WDR76: variants seen among roughly 807,000 people sequenced by gnomAD.
WDR76 encodes the protein WD repeat domain 76, also known as WD repeat-containing protein 76.
In WDR76, 52 loss-of-function variants were observed where a neutral mutation model predicts 70.2. That is an observed-to-expected ratio of 0.74 (90% CI 0.59 to 0.93). WDR76 has a LOEUF of 0.93. Ranked by LOEUF, WDR76 falls within the 40% of genes least tolerant of loss-of-function variation. WDR76 has a pLI of 0.00. For missense variants in WDR76, 756 were observed against 760.2 expected, an observed-to-expected ratio of 0.99 and a Z score of 0.07; for synonymous variants, 292 against 271.1, an observed-to-expected ratio of 1.08 and a Z score of -0.76.
At chr15:43,846,294 T>C (rs7174241) in intron 8 of WDR76, among the ~76,000 whole-genome samples, 26,479 of 132,738 alleles carry the variant, frequency 0.2, 3,619 homozygotes, top group African/African-American at 0.31. Flanking sequence ...TTTTTTTTTT[T>C]CCCGCCCCTG....
At chr15:43,861,410 T>C (rs1285068570) in intron 12 of WDR76, 24 bp downstream of exon 12, 2 of 1,595,392 alleles carry the variant, frequency 1.3e-6, no homozygotes, top group Admixed American at 1.7e-5. Flanking sequence ...TGCCAAATAA[T>C]GTAGATGTGG....
At position 43,829,146 on chromosome 15, in the gene WDR76, C is replaced by T. The variant is rs561955069; in HGVS notation, c.462+780C>T. The stretch of plus-strand genomic sequence containing the variant: ...CTAACTCCTGACCTTGTGATCCACC[C>T]GCCTCAGCCTCCCAAAGTGCTGGGA... On this transcript the variant is annotated intron_variant, in intron 2 of 12. Coordinates refer to ENST00000263795, the MANE Select transcript of WDR76 (RefSeq NM_024908.4). Among the ~76,000 whole-genome samples the T allele has an allele frequency of 3.3e-5, 5 of 152,118 alleles. No individual in the cohort carries two copies. The East Asian group carries it at 5.8e-4, about 18-fold the overall frequency.
chr15:43,834,932 G>T, intron 2 of WDR76, 129 bp from the exon 3 acceptor site: 1 of 786,094 alleles, frequency 1.3e-6, no homozygotes, highest in Non-Finnish European at 2.0e-6. Context: ...TTGGTAAGAT[G>T]ATGAAATGAA....
chr15:43,842,956 C>T (rs1460801379), intron 7 of WDR76, among the ~76,000 whole-genome samples: 1 of 149,324 alleles, frequency 6.7e-6, no homozygotes, highest in African/African-American at 2.4e-5. Flanking sequence ...AATCCACATA[C>T]ATTTTTACTA....
At chr15:43,842,994 A>G (rs1596073382) in intron 7 of WDR76, among the ~76,000 whole-genome samples, 2 of 139,720 alleles carry the variant, frequency 1.4e-5, no homozygotes, top group African/African-American at 5.3e-5. Flanking sequence ...ACAATTTTGC[A>G]TTACACTTTT....
rs1230561360 is a variant in WDR76, at chr15:43,858,668, C to T, written c.1410-3C>T. The T allele has an allele frequency of 1.9e-6, 3 of 1,613,298 alleles. No homozygotes were observed. Among genetic ancestry groups the T allele is most frequent in the Middle Eastern group, 1.7e-4 (1 of 6,058 alleles). ...ACATTGATCATTGTTTCTCCCATTACAGGGATACTCATATTTATGATGCAA... is the reference window on the plus strand; with the variant it reads ...ACATTGATCATTGTTTCTCCCATTATAGGGATACTCATATTTATGATGCAA... On this transcript the variant is annotated splice_polypyrimidine_tract_variant and splice_region_variant and intron_variant, in intron 10 of 12. Transcript: ENST00000263795.
chr15:43,828,890 G>T (rs889292871), intron 2 of WDR76, among the ~76,000 whole-genome samples: 3 of 140,672 alleles, frequency 2.1e-5, no homozygotes, highest in African/African-American at 8.0e-5. Context: ...AAGGAATTTG[G>T]TGTGTAATTT....
chr15:43,849,004 G>A (rs767232061), intron 8 of WDR76, among the ~76,000 whole-genome samples: 137 of 140,966 alleles, frequency 9.7e-4, no homozygotes, highest in Non-Finnish European at 1.7e-3. Flanking sequence ...GTGAAACCCC[G>A]TCTCCACTAA....
At position 43,839,946 on chromosome 15, in the gene WDR76, C is replaced by T. The variant is rs188782405; in HGVS notation, c.732+218C>T. On this transcript the variant is annotated intron_variant, in intron 5 of 12. Coordinates refer to ENST00000263795, the MANE Select transcript of WDR76 (RefSeq NM_024908.4). ...GATCTTGCCTCACTGCAACCCCCTCCTCCCGTGTTCAAGCGATTCTCCTGC... is the reference window on the plus strand; with the variant it reads ...GATCTTGCCTCACTGCAACCCCCTCTTCCCGTGTTCAAGCGATTCTCCTGC... 1.7e-3 allele frequency among the ~76,000 whole-genome samples: 253 copies of T among 152,264 alleles called. 2 individuals are homozygous for T. The highest frequency in any genetic ancestry group is 3.3e-3 in the South Asian group (16 of 4,832).
intron 2 of WDR76, among the ~76,000 whole-genome samples, chr15:43,833,961 T>G (rs2087623982): frequency 6.6e-6 from 1 of 152,174 alleles, no homozygotes; most frequent in Non-Finnish European, 1.5e-5. Context: ...TTTTAATAAT[T>G]GATTCTCTTC....
At chr15:43,833,412 G>A (rs1267999569) in intron 2 of WDR76, among the ~76,000 whole-genome samples, 3 of 149,350 alleles carry the variant, frequency 2.0e-5, no homozygotes, top group Admixed American at 6.7e-5. Flanking sequence ...TCCGCCTCCC[G>A]GGTTCATGCC....
intron 10 of WDR76, chr15:43,857,457 A>G (rs2087942390): frequency 3.0e-6 from 3 of 985,340 alleles, no homozygotes; most frequent in African/African-American, 1.7e-5. Flanking sequence ...CACAGAAAAA[A>G]AAGTTACATG....
chr15:43,852,450 C>T (rs2087872463), intron 9 of WDR76, among the ~76,000 whole-genome samples: 1 of 152,296 alleles, frequency 6.6e-6, no homozygotes, highest in East Asian at 1.9e-4. Context: ...TGGCTCACTG[C>T]AAGCTCCGCC....
At chr15:43,865,170 A>G (rs1476742556) in intron 12 of WDR76, among the ~76,000 whole-genome samples, 3 of 139,590 alleles carry the variant, frequency 2.1e-5, no homozygotes, top group Non-Finnish European at 4.5e-5. Flanking sequence ...ATCTCGGCTC[A>G]CTGTAGCCTC....
At chr15:43,863,851 G>A (rs2088036852) in intron 12 of WDR76, 1 of 152,236 alleles carries the variant, frequency 6.6e-6, no homozygotes, top group South Asian at 2.1e-4. Context: ...GAGCCATCAT[G>A]CCCGGCCTTA....
At chr15:43,856,862 A>T in intron 9 of WDR76, 84 bp from the exon 10 acceptor site, 1 of 1,229,190 alleles carries the variant, frequency 8.1e-7, no homozygotes, top group Non-Finnish European at 1.1e-6. Context: ...AAAGTGTTTT[A>T]TAACCCTTTT....
At chr15:43,834,154 T>C (rs1043427342) in intron 2 of WDR76, among the ~76,000 whole-genome samples, 11 of 152,296 alleles carry the variant, frequency 7.2e-5, no homozygotes, top group Admixed American at 2.0e-4. Context: ...AGTATTTTGC[T>C]ATTTCCTGAA....
intron 10 of WDR76, among the ~76,000 whole-genome samples, chr15:43,858,129 C>T (rs1252878302): frequency 6.6e-6 from 1 of 151,678 alleles, no homozygotes. Context: ...GACAGGGTCT[C>T]ACTGTCTTGG....
chr15:43,865,526 C>T (rs2088060076), intron 12 of WDR76, among the ~76,000 whole-genome samples: 1 of 152,212 alleles, frequency 6.6e-6, no homozygotes, highest in South Asian at 2.1e-4. Flanking sequence ...CCCTCTTGGC[C>T]TCCCAAAGTG....
Sources: gnomAD v4.1 joint callset for allele counts (sites outside exome capture counted in the v4.1 genomes callset) on GRCh38, gnomAD v4.1.1 for gene constraint, MANE v1.5 for transcripts, NCBI Gene and HGNC (gene_info 2026-07-23, HGNC 2026-07-21) for gene names.